PPM1L: variants seen among roughly 807,000 people sequenced by gnomAD.
The protein encoded by PPM1L is protein phosphatase 1L.
Under a neutral mutation model 31.4 loss-of-function variants are expected in PPM1L, and 13 were observed. The ratio of observed to expected loss-of-function variants is 0.41; its 90% CI spans 0.27 to 0.66. The LOEUF is 0.66. PPM1L is among the 30% of genes least tolerant of loss of function. PPM1L has a pLI of 0.29. For missense variants in PPM1L, 326 were observed against 453.7 expected, an observed-to-expected ratio of 0.72 and a Z score of 2.56; for synonymous variants, 184 against 175.4, an observed-to-expected ratio of 1.05 and a Z score of -0.39.
intron 1 of PPM1L, among the ~76,000 whole-genome samples, chr3:160,906,172 A>G (rs1713749656): frequency 6.6e-6 from 1 of 152,148 alleles, no homozygotes; most frequent in African/African-American, 2.4e-5. Context: ...GTATTTCTAT[A>G]GGAGTGTTCA....
At chr3:160,802,016 G>A (rs1712444097) in intron 1 of PPM1L, among the ~76,000 whole-genome samples, 1 of 152,150 alleles carries the variant, frequency 6.6e-6, no homozygotes, top group African/African-American at 2.4e-5. Context: ...AGCTTCAGAA[G>A]TGCTTTCCTT....
intron 1 of PPM1L, among the ~76,000 whole-genome samples, chr3:160,892,948 A>G (rs770113329): frequency 3.9e-5 from 6 of 152,148 alleles, no homozygotes; most frequent in Admixed American, 1.3e-4. Context: ...TAGGTGTTTG[A>G]TATTTTAACA....
intron 2 of PPM1L, among the ~76,000 whole-genome samples, chr3:161,036,982 T>TA (rs1443310837): frequency 6.6e-6 from 1 of 152,342 alleles, no homozygotes; most frequent in South Asian, 2.1e-4. Context: ...AAAAATCCTT[T>TA]AAAAAAATCT....
At chr3:160,902,665 T>C (rs1462142186) in intron 1 of PPM1L, among the ~76,000 whole-genome samples, 1 of 152,198 alleles carries the variant, frequency 6.6e-6, no homozygotes, top group East Asian at 1.9e-4. Context: ...ATCGACTGAA[T>C]TTCTGGACCC....
At position 161,069,251 on chromosome 3, in the gene PPM1L, T is replaced by C; in HGVS notation, c.*94T>C. The C allele has an allele frequency of 1.0e-6, 1 of 952,956 alleles. No homozygotes were observed. Among genetic ancestry groups the C allele is most frequent in the Non-Finnish European group, 1.5e-6 (1 of 653,430 alleles). 59.0% of individuals were successfully genotyped at this position (952,956 alleles called of 1,614,324 possible). On this transcript the variant is annotated 3_prime_UTR_variant, in exon 4 of 4. Transcript: ENST00000498165. ...AAAAGTGTGGGAGTTGTAATTAGGA[T>C]CATCCACCCCAGACATGGAATCCCC...
chr3:160,976,982 A>G lies in PPM1L; in HGVS notation c.574+15072A>G, dbSNP rs1026308242. 5.8e-4 allele frequency among the ~76,000 whole-genome samples: 88 copies of G among 151,874 alleles called. 2 individuals are homozygous for G. Among genetic ancestry groups the G allele is most frequent in the East Asian group, 1.6e-3 (8 of 5,154 alleles). ...TGTGATGTTAGGGTGTCAATTTTGG[A>G]TCTTTCCTGCTTTCTGTTGTGGGCA... On this transcript the variant is annotated intron_variant, in intron 2 of 3. Coordinates refer to ENST00000498165, the MANE Select transcript of PPM1L (RefSeq NM_139245.4).
At chr3:160,810,485 T>C (rs901235459) in intron 1 of PPM1L, among the ~76,000 whole-genome samples, 3 of 152,208 alleles carry the variant, frequency 2.0e-5, no homozygotes, top group Non-Finnish European at 4.4e-5. Context: ...TTTGTTGATA[T>C]TAAATTGGTC....
intron 1 of PPM1L, among the ~76,000 whole-genome samples, chr3:160,865,594 G>A (rs182732698): frequency 5.9e-4 from 90 of 152,294 alleles, no homozygotes; most frequent in Middle Eastern, 3.4e-3. Flanking sequence ...GGCCAACATG[G>A]TGAAACCCTG....
At position 161,075,728 on chromosome 3, in the gene PPM1L, T is replaced by C. The variant is rs900832977; in HGVS notation, c.*6571T>C. Reference sequence around the variant, plus strand: ...TAAGAAAAGGAGGTGTTATAGTTTATTACATCATGAATTATGCTTTCTGTA... The same window carrying C: ...TAAGAAAAGGAGGTGTTATAGTTTACTACATCATGAATTATGCTTTCTGTA... On this transcript the variant is annotated 3_prime_UTR_variant, in exon 4 of 4. Transcript: ENST00000498165. 1.3e-5 allele frequency: 2 copies of C among 152,202 alleles called. No individual in the cohort carries two copies. The highest frequency in any genetic ancestry group is 2.9e-5 in the Non-Finnish European group (2 of 68,030). The allele number at this position is 152,202 out of a possible 1,614,324, so 9.4% of individuals were successfully genotyped here.
intron 1 of PPM1L, among the ~76,000 whole-genome samples, chr3:160,840,671 G>A (rs1195068081): frequency 1.3e-5 from 2 of 151,400 alleles, no homozygotes; most frequent in Non-Finnish European, 2.9e-5. Context: ...TGGAGAACCT[G>A]GAGTTCTTAT....
At chr3:160,926,269 A>G (rs892162821) in intron 1 of PPM1L, among the ~76,000 whole-genome samples, 2 of 152,188 alleles carry the variant, frequency 1.3e-5, no homozygotes, top group African/African-American at 4.8e-5. Flanking sequence ...CTGAGCCATA[A>G]TAGGTTGTTC....
chr3:160,906,277 A>C (rs953155148), intron 1 of PPM1L, among the ~76,000 whole-genome samples: 4 of 152,210 alleles, frequency 2.6e-5, no homozygotes, highest in African/African-American at 9.6e-5. Flanking sequence ...AGCTTAAAAC[A>C]GCAAATATTT....
chr3:160,794,391 C>T (rs745859086), intron 1 of PPM1L, among the ~76,000 whole-genome samples: 4 of 152,086 alleles, frequency 2.6e-5, no homozygotes, highest in African/African-American at 4.8e-5. Context: ...TCCAATAGCT[C>T]TCCTCATGAT....
rs79218195 is a variant in PPM1L, at chr3:161,076,704, A to G, written c.*7547A>G. 1 of 147,782 alleles carries G rather than the reference A, an allele frequency of 6.8e-6. No individual in the cohort carries two copies. Among genetic ancestry groups the G allele is most frequent in the African/African-American group, 2.6e-5 (1 of 37,822 alleles). 9.2% of individuals were successfully genotyped at this position (147,782 alleles called of 1,614,324 possible). On this transcript the variant is annotated 3_prime_UTR_variant, in exon 4 of 4. Transcript: ENST00000498165. The stretch of plus-strand genomic sequence containing the variant: ...TCATGGGCAGCCAGGAAAAAAAAAA[A>G]GAGAGAGAAAGACAAATAGAAATTT...
intron 2 of PPM1L, among the ~76,000 whole-genome samples, chr3:161,042,137 G>A (rs1047139990): frequency 6.6e-6 from 1 of 152,026 alleles, no homozygotes; most frequent in Non-Finnish European, 1.5e-5. Context: ...CTTGTATCAC[G>A]GCAGGCTGGT....
intron 1 of PPM1L, among the ~76,000 whole-genome samples, chr3:160,908,186 T>C (rs1342405438): frequency 3.3e-5 from 5 of 152,230 alleles, no homozygotes; most frequent in Non-Finnish European, 5.9e-5. Context: ...GGCCCCATAA[T>C]GGTTACAATC....
At chr3:160,948,240 T>C (rs1559899247) in intron 1 of PPM1L, among the ~76,000 whole-genome samples, 1 of 152,200 alleles carries the variant, frequency 6.6e-6, no homozygotes, top group Non-Finnish European at 1.5e-5. Flanking sequence ...AATTTTAAAA[T>C]ATGTCATTTT....
chr3:160,866,672 A>G (rs1005997369), intron 1 of PPM1L, among the ~76,000 whole-genome samples: 15 of 152,210 alleles, frequency 9.9e-5, no homozygotes, highest in Non-Finnish European at 1.8e-4. Flanking sequence ...CTAAGGTGTG[A>G]TAATGGTAAA....
intron 1 of PPM1L, among the ~76,000 whole-genome samples, chr3:160,844,346 A>G (rs6766476): frequency 0.041 from 6,182 of 152,246 alleles, 425 homozygotes; most frequent in African/African-American, 0.14. Flanking sequence ...GAGAGATTCC[A>G]TGGGCAAAAA....
Sources: gnomAD v4.1 joint callset for allele counts (sites outside exome capture counted in the v4.1 genomes callset) on GRCh38, gnomAD v4.1.1 for gene constraint, MANE v1.5 for transcripts, NCBI Gene and HGNC (gene_info 2026-07-23, HGNC 2026-07-21) for gene names.